EPSTI1: variants seen among roughly 807,000 people sequenced by gnomAD.
EPSTI1 encodes epithelial stromal interaction 1.
EPSTI1 carries 66 observed loss-of-function variants against 49.9 expected under a neutral mutation model. The ratio of observed to expected loss-of-function variants is 1.32; its 90% CI spans 1.08 to 1.62. The LOEUF is 1.62. Ranked by LOEUF, EPSTI1 falls within the 40% of genes most tolerant of loss-of-function variation. EPSTI1 has a pLI of 0.00. For synonymous variants in EPSTI1, 137 were observed against 130.7 expected, an observed-to-expected ratio of 1.05 and a Z score of -0.33; for missense variants, 394 against 365.5, an observed-to-expected ratio of 1.08 and a Z score of -0.64.
chr13:42,956,992 T>G (rs1322959369), intron 5 of EPSTI1, among the ~76,000 whole-genome samples: 1 of 152,120 alleles, frequency 6.6e-6, no homozygotes. Flanking sequence ...GAGGTTAAAC[T>G]GCAGCAAGGG....
chr13:42,901,851 G>T (rs1348770457), intron 8 of EPSTI1, among the ~76,000 whole-genome samples: 1 of 151,884 alleles, frequency 6.6e-6, no homozygotes, highest in African/African-American at 2.4e-5. Context: ...GTGCCATGCT[G>T]GTGCGCTGCA....
rs143087936 is a variant in EPSTI1 at position 42,971,279 on chromosome 13, A to G, written c.189-609T>C. On this transcript the variant is annotated intron_variant, in intron 1 of 10. Coordinates refer to ENST00000313624, the MANE Select transcript of EPSTI1 (RefSeq NM_033255.5). ...TAAGAAAAATATTCACCTCTGTGACACTAGGAAGCTGTTAAAATATTGTGA... is the reference window on the plus strand; with the variant it reads ...TAAGAAAAATATTCACCTCTGTGACGCTAGGAAGCTGTTAAAATATTGTGA... Among the ~76,000 whole-genome samples the G allele has an allele frequency of 4.5e-3, 680 of 152,350 alleles. 3 individuals are homozygous for G. The highest frequency in any genetic ancestry group is 0.024 in the Middle Eastern group (7 of 294).
intron 8 of EPSTI1, among the ~76,000 whole-genome samples, chr13:42,911,503 T>A (rs891847027): frequency 3.3e-5 from 5 of 152,336 alleles, no homozygotes; most frequent in African/African-American, 9.6e-5. Flanking sequence ...CAGAAATCAC[T>A]TGCATTTTCA....
Position 42,894,898 on chromosome 13 carries a change from C to T in EPSTI1, c.915+111G>A. On this transcript the variant is annotated intron_variant, in intron 10 of 10. Coordinates refer to ENST00000313624, the MANE Select transcript of EPSTI1 (RefSeq NM_033255.5). ...CTGCCCATCACACTGCCAAACAGCA[C>T]AACAACAAAAACGTAATATCTGGGG... 1.5e-5 allele frequency: 14 copies of T among 926,288 alleles called. 1 individual carries two copies. In the South Asian group the frequency reaches 2.2e-4, roughly 15 times the overall value. The allele number at this position is 926,288 out of a possible 1,614,324, so 57.4% of individuals were successfully genotyped here.
chr13:42,964,248 T>G (rs1355686803), intron 3 of EPSTI1, 109 bp from the exon 4 acceptor site: 1 of 748,756 alleles, frequency 1.3e-6, no homozygotes, highest in East Asian at 2.9e-5. Context: ...TCCCTTAACA[T>G]TCTCATGCTC....
intron 3 of EPSTI1, among the ~76,000 whole-genome samples, chr13:42,964,544 T>C (rs1017773258): frequency 1.3e-5 from 2 of 152,100 alleles, no homozygotes; most frequent in Non-Finnish European, 2.9e-5. Context: ...CAAAGGTGCT[T>C]CTATTGCTTT....
chr13:42,978,498 T>C (rs1248707935), intron 1 of EPSTI1, among the ~76,000 whole-genome samples: 1 of 152,234 alleles, frequency 6.6e-6, no homozygotes, highest in African/African-American at 2.4e-5. Context: ...TGACTTTGAA[T>C]AGAATGCAAG....
At chr13:42,966,141 G>A (rs1162746618) in intron 3 of EPSTI1, among the ~76,000 whole-genome samples, 1 of 62,260 alleles carries the variant, frequency 1.6e-5, no homozygotes, top group African/African-American at 4.6e-5. Flanking sequence ...TACAACCTAC[G>A]CCTCCCAGCC....
At chr13:42,947,809 C>T (rs985054072) in intron 6 of EPSTI1, among the ~76,000 whole-genome samples, 7 of 152,194 alleles carry the variant, frequency 4.6e-5, no homozygotes, top group Non-Finnish European at 1.0e-4. Context: ...TACTGTTTCT[C>T]TTCTGATATG....
Position 42,888,454 on chromosome 13 carries a change from G to A in EPSTI1, c.*40C>T, listed in dbSNP as rs769883623. ...GAAAAAGCATCTCATGAGGCTTTTC[G>A]AGGTCAGTTGATGAAGGCCAGATAG... is the stretch of plus-strand genomic sequence containing the variant. On this transcript the variant is annotated 3_prime_UTR_variant, in exon 11 of 11. Transcript: ENST00000313624. 27 of 1,613,862 alleles carry A rather than the reference G, an allele frequency of 1.7e-5. No homozygotes were observed. Among genetic ancestry groups the A allele is most frequent in the East Asian group, 6.7e-5 (3 of 44,882 alleles).
At chr13:42,899,716 A>G (rs1399513948) in intron 9 of EPSTI1, among the ~76,000 whole-genome samples, 1 of 152,198 alleles carries the variant, frequency 6.6e-6, no homozygotes, top group Non-Finnish European at 1.5e-5. Flanking sequence ...TAGCATAATA[A>G]TGGCATACAA....
At chr13:42,939,838 G>T (rs180903503) in intron 6 of EPSTI1, among the ~76,000 whole-genome samples, 95 of 152,280 alleles carry the variant, frequency 6.2e-4, no homozygotes, top group Admixed American at 2.4e-3. Context: ...TTTAAAAAAT[G>T]AAATATCTGT....
At chr13:42,914,557 G>A (rs1368240658) in intron 8 of EPSTI1, among the ~76,000 whole-genome samples, 1 of 152,160 alleles carries the variant, frequency 6.6e-6, no homozygotes, top group African/African-American at 2.4e-5. Flanking sequence ...CATTTAGGAA[G>A]CAATTTCAGT....
intron 8 of EPSTI1, among the ~76,000 whole-genome samples, chr13:42,904,518 G>A (rs1232618464): frequency 2.0e-5 from 3 of 152,158 alleles, no homozygotes; most frequent in Non-Finnish European, 4.4e-5. Context: ...GCATCAAAAC[G>A]TAAGACGTAT....
intron 8 of EPSTI1, among the ~76,000 whole-genome samples, chr13:42,902,900 A>T (rs1231059501): frequency 6.6e-6 from 1 of 152,214 alleles, no homozygotes; most frequent in Non-Finnish European, 1.5e-5. Flanking sequence ...GTTGGAATTA[A>T]GGATATCCTC....
chr13:42,980,293 C>CT (rs1275067663), intron 1 of EPSTI1, among the ~76,000 whole-genome samples: 1 of 152,150 alleles, frequency 6.6e-6, no homozygotes, highest in Admixed American at 6.5e-5. Context: ...AAAAGAGTAT[C>CT]TGTCACATTC....
At chr13:42,905,121 T>C (rs1236637545) in intron 8 of EPSTI1, among the ~76,000 whole-genome samples, 1 of 151,964 alleles carries the variant, frequency 6.6e-6, no homozygotes, top group Non-Finnish European at 1.5e-5. Flanking sequence ...CAGAGAGATA[T>C]AAAAGAGCGA....
chr13:42,904,209 G>C (rs1476480985), intron 8 of EPSTI1, among the ~76,000 whole-genome samples: 1 of 152,172 alleles, frequency 6.6e-6, no homozygotes, highest in African/African-American at 2.4e-5. Context: ...ATTTTAGGCT[G>C]AGACTCAGGA....
chr13:42,916,334 C>T (rs1411205646), intron 8 of EPSTI1, among the ~76,000 whole-genome samples: 1 of 151,122 alleles, frequency 6.6e-6, no homozygotes, highest in Non-Finnish European at 1.5e-5. Context: ...TACACAGGAG[C>T]TAAATAAGTA....
Sources: allele counts gnomAD v4.1 joint callset (sites outside exome capture counted in the v4.1 genomes callset), GRCh38; gene constraint gnomAD v4.1.1; transcripts MANE v1.5; gene names NCBI Gene and HGNC (gene_info 2026-07-23, HGNC 2026-07-21).